The following KIAA1217 variants were observed in gnomAD, a reference collection of about 807,000 sequenced individuals.
The protein encoded by KIAA1217 is sickle tail protein homolog.
In KIAA1217, 88 loss-of-function variants were observed where a neutral mutation model predicts 163.9. The ratio of observed to expected loss-of-function variants is 0.54; its 90% CI spans 0.45 to 0.64. The LOEUF (loss-of-function observed/expected upper bound fraction) is 0.64. Ranked by LOEUF, KIAA1217 falls within the 30% of genes least tolerant of loss-of-function variation. The pLI is 0.00. For synonymous variants in KIAA1217, 903 were observed against 923.1 expected, an observed-to-expected ratio of 0.98 and a Z score of 0.39; for missense variants, 2,372 against 2,475.0, an observed-to-expected ratio of 0.96 and a Z score of 0.88.
intron 2 of KIAA1217, among the ~76,000 whole-genome samples, chr10:24,269,381 C>T (rs536736614): frequency 1.3e-4 from 19 of 151,898 alleles, no homozygotes; most frequent in Non-Finnish European, 2.4e-4. Context: ...ACATATGAGG[C>T]GGCCTGTTGG....
chr10:24,326,122 G>T (rs778922216), intron 2 of KIAA1217, among the ~76,000 whole-genome samples: 9 of 152,088 alleles, frequency 5.9e-5, no homozygotes, highest in South Asian at 4.1e-4. Context: ...GAAAGTAAAA[G>T]AACTTTACTT....
At chr10:24,223,711 CTTTTTTT>C (rs535787368) in intron 2 of KIAA1217, among the ~76,000 whole-genome samples, 2 of 128,512 alleles carry the variant, frequency 1.6e-5, no homozygotes, top group Non-Finnish European at 3.3e-5. Context: ...AATCTAGGTT[CTTTTTTT>C]TTTTTTTTTT....
intron 1 of KIAA1217, among the ~76,000 whole-genome samples, chr10:23,823,343 G>T (rs1055806766): frequency 6.6e-6 from 1 of 152,232 alleles, no homozygotes; most frequent in African/African-American, 2.4e-5. Context: ...TTGCCCATGG[G>T]CTGCTCCATC....
At chr10:23,701,338 G>A (rs553556116) in intron 1 of KIAA1217, among the ~76,000 whole-genome samples, 3 of 152,280 alleles carry the variant, frequency 2.0e-5, no homozygotes, top group East Asian at 1.9e-4. Context: ...AATCCTTTCC[G>A]TGAAATACTT....
intron 2 of KIAA1217, among the ~76,000 whole-genome samples, chr10:24,147,302 C>G (rs777387290): frequency 6.6e-6 from 1 of 152,088 alleles, no homozygotes; most frequent in Non-Finnish European, 1.5e-5. Flanking sequence ...AGTAGATTGT[C>G]TTTATTTCCC....
At chr10:24,296,981 C>G (rs2040696573) in intron 2 of KIAA1217, among the ~76,000 whole-genome samples, 1 of 152,200 alleles carries the variant, frequency 6.6e-6, no homozygotes, top group African/African-American at 2.4e-5. Context: ...CCAACTCTCA[C>G]TTACTTGATA....
chr10:24,400,559 C>A (rs1443105095), intron 3 of KIAA1217, among the ~76,000 whole-genome samples: 1 of 152,162 alleles, frequency 6.6e-6, no homozygotes, highest in Non-Finnish European at 1.5e-5. Flanking sequence ...CAGATCCATG[C>A]TTACCTCCAA....
intron 1 of KIAA1217, among the ~76,000 whole-genome samples, chr10:23,793,091 G>C (rs977718003): frequency 6.6e-6 from 1 of 152,134 alleles, no homozygotes; most frequent in Non-Finnish European, 1.5e-5. Context: ...TTCTGCTCCA[G>C]ACCGTGTCAC....
Position 23,902,375 on chromosome 10 carries a change from A to G in KIAA1217, c.-320-104850A>G, listed in dbSNP as rs573127992. Among the ~76,000 whole-genome samples, 85 of 152,184 alleles carry G rather than the reference A, an allele frequency of 5.6e-4. No homozygotes were observed. The Middle Eastern group carries it at 0.014, about 24-fold the overall frequency. ...CACACTAAACCTCAGCTAAGTAGCA[A>G]TGCAAACCTCTAATCTCAGGGACAT... On this transcript the variant is annotated intron_variant, in intron 1 of 18. Transcript: ENST00000376462.
Position 23,965,322 on chromosome 10 carries a change from T to C in KIAA1217, c.-320-41903T>C, listed in dbSNP as rs1190439799. On this transcript the variant is annotated intron_variant, in intron 1 of 18. Coordinates refer to the KIAA1217 transcript ENST00000376462. ...GATCCCAAGGGCTCATAACCAACTG[T>C]ATGTTTCATAACTAACTGAGTGCAG... Among the ~76,000 whole-genome samples, 3 of 152,358 alleles carry C rather than the reference T, an allele frequency of 2.0e-5. No individual in the cohort carries two copies. The South Asian group carries it at 6.2e-4, about 32-fold the overall frequency.
intron 2 of KIAA1217, among the ~76,000 whole-genome samples, chr10:24,373,167 C>T (rs1482643104): frequency 6.6e-6 from 1 of 152,198 alleles, no homozygotes; most frequent in East Asian, 1.9e-4. Context: ...AGTGTGAGCA[C>T]CTGGTTCCAC....
rs778123015 is a variant in KIAA1217, at chr10:24,513,239, T to G, written c.2002-20T>G. The G allele has an allele frequency of 3.1e-5, 50 of 1,611,588 alleles. No individual in the cohort carries two copies. Among genetic ancestry groups the G allele is most frequent in the Non-Finnish European group, 4.0e-5 (47 of 1,178,626 alleles). On this transcript the variant is annotated intron_variant, in intron 9 of 20. Coordinates refer to ENST00000376454, the MANE Select transcript of KIAA1217 (RefSeq NM_019590.5). ...TCAGGCAGGCAGAGCCCACTGAGGT[T>G]GATTTTTTTGTGTTCACAGCTGCAG...
At chr10:24,426,138 G>A (rs1000828264) in intron 3 of KIAA1217, among the ~76,000 whole-genome samples, 3 of 152,188 alleles carry the variant, frequency 2.0e-5, no homozygotes, top group East Asian at 1.9e-4. Flanking sequence ...TGCAGAAGAC[G>A]CCCTTCAGGG....
At chr10:23,769,539 G>A (rs1483644181) in intron 1 of KIAA1217, among the ~76,000 whole-genome samples, 1 of 152,188 alleles carries the variant, frequency 6.6e-6, no homozygotes, top group Non-Finnish European at 1.5e-5. Context: ...GGAAAGGGCT[G>A]TTATCATCTT....
intron 1 of KIAA1217, among the ~76,000 whole-genome samples, chr10:23,834,968 A>G (rs1838380159): frequency 6.6e-6 from 1 of 152,140 alleles, no homozygotes; most frequent in Admixed American, 6.6e-5. Context: ...CAAATATCCA[A>G]GTGGAGATGT....
intron 2 of KIAA1217, among the ~76,000 whole-genome samples, chr10:24,251,690 C>A (rs556899076): frequency 5.7e-4 from 86 of 152,044 alleles, no homozygotes; most frequent in African/African-American, 2.0e-3. Flanking sequence ...TAAATAGGGA[C>A]CCTAATCTGA....
intron 1 of KIAA1217, among the ~76,000 whole-genome samples, chr10:23,926,721 T>G (rs2131302648): frequency 9.9e-6 from 1 of 100,540 alleles, no homozygotes; most frequent in South Asian, 2.8e-4. Flanking sequence ...CAAGATTCTG[T>G]CTCAAAAATA....
At chr10:23,740,291 T>G (rs559348167) in intron 1 of KIAA1217, among the ~76,000 whole-genome samples, 1 of 152,218 alleles carries the variant, frequency 6.6e-6, no homozygotes, top group Non-Finnish European at 1.5e-5. Flanking sequence ...TTTCTACTTA[T>G]TTTACACAGT....
intron 1 of KIAA1217, among the ~76,000 whole-genome samples, chr10:23,704,093 T>G (rs1384229387): frequency 1.4e-5 from 2 of 145,002 alleles, no homozygotes; most frequent in African/African-American, 5.1e-5. Flanking sequence ...TATGTGTGTA[T>G]GTACTTTGTA....
Sources: allele counts gnomAD v4.1 joint callset (sites outside exome capture counted in the v4.1 genomes callset), GRCh38; gene constraint gnomAD v4.1.1; transcripts MANE v1.5; gene names NCBI Gene and HGNC (gene_info 2026-07-23, HGNC 2026-07-21).